The following ACOXL variants were observed in gnomAD, a reference collection of about 807,000 sequenced individuals.
ACOXL encodes acyl-CoA oxidase like.
A neutral mutation model predicts 71.9 loss-of-function variants in ACOXL; 70 were observed. That is an observed-to-expected ratio of 0.97 (90% CI 0.80 to 1.19). The LOEUF (loss-of-function observed/expected upper bound fraction) is 1.19. Ranked by LOEUF, ACOXL falls within the 50% of genes most tolerant of loss-of-function variation. ACOXL has a pLI of 0.00. For missense variants in ACOXL, 703 were observed against 736.3 expected (o/e 0.95, Z 0.52); for synonymous variants, 253 against 281.6 (o/e 0.90, Z 1.02).
chr2:110,870,152 G>T (rs1407216151), intron 10 of ACOXL, among the ~76,000 whole-genome samples: 2 of 152,186 alleles, frequency 1.3e-5, no homozygotes, highest in African/African-American at 4.8e-5. Flanking sequence ...GCTCCACAGG[G>T]TGTTTCCCAG....
rs1056347684 is a variant in ACOXL at position 110,736,290 on chromosome 2, G to A, written c.-23+3516G>A. 9.2e-5 allele frequency among the ~76,000 whole-genome samples: 14 copies of A among 152,128 alleles called. No homozygotes were observed. In the South Asian group the frequency reaches 1.0e-3, roughly 11 times the overall value. ...TGTACAACTCAGTGGCATTAAGTGCGTTCACATTGTTGTGCAACCATCACC... is the reference window on the plus strand; with the variant it reads ...TGTACAACTCAGTGGCATTAAGTGCATTCACATTGTTGTGCAACCATCACC... On this transcript the variant is annotated intron_variant, in intron 1 of 17. Coordinates refer to ENST00000439055, the MANE Select transcript of ACOXL (RefSeq NM_001142807.4).
rs1168118264 is a variant in ACOXL, at chr2:111,008,283, A to C, written c.1281+12279A>C. On this transcript the variant is annotated intron_variant, in intron 14 of 17. Coordinates refer to ENST00000439055, the MANE Select transcript of ACOXL (RefSeq NM_001142807.4). The stretch of plus-strand genomic sequence containing the variant: ...CTAAGCGAAATATTACTAAGTTTCT[A>C]ATATTCAGTGCTATACACAAAAGTG... Among the ~76,000 whole-genome samples the C allele has an allele frequency of 2.0e-5, 3 of 152,296 alleles. 1 individual carries two copies. The highest frequency in any genetic ancestry group is 1.9e-4 in the East Asian group (1 of 5,172).
intron 14 of ACOXL, among the ~76,000 whole-genome samples, chr2:111,007,373 A>G (rs6719047): frequency 9.3e-4 from 141 of 152,312 alleles, no homozygotes; most frequent in African/African-American, 3.3e-3. Flanking sequence ...CATTCCTACC[A>G]CTTTATTAAT....
intron 14 of ACOXL, among the ~76,000 whole-genome samples, chr2:111,004,450 A>T (rs999920445): frequency 2.6e-5 from 4 of 152,132 alleles, no homozygotes; most frequent in African/African-American, 9.7e-5. Flanking sequence ...CTTTGCAATC[A>T]TTTGATAATG....
intron 9 of ACOXL, among the ~76,000 whole-genome samples, chr2:110,811,777 A>G (rs1026466841): frequency 2.7e-5 from 4 of 147,920 alleles, no homozygotes; most frequent in African/African-American, 7.6e-5. Flanking sequence ...ACACACACAC[A>G]CACACACACG....
intron 1 of ACOXL, among the ~76,000 whole-genome samples, chr2:110,739,607 C>T (rs1302898675): frequency 6.6e-6 from 1 of 152,198 alleles, no homozygotes; most frequent in African/African-American, 2.4e-5. Context: ...TCCAGTGTTC[C>T]CCATGTGGGT....
chr2:111,049,098 C>T, intron 15 of ACOXL, 120 bp from the exon 16 acceptor site: 1 of 815,476 alleles, frequency 1.2e-6, no homozygotes, highest in Non-Finnish European at 2.0e-6. Flanking sequence ...TGCCATGTCA[C>T]CAAGGAAGGA....
rs541285334 is a variant in ACOXL at position 110,778,085 on chromosome 2, C to T, written c.76-6647C>T. Among the ~76,000 whole-genome samples, 18 of 152,296 alleles carry T rather than the reference C, an allele frequency of 1.2e-4. No homozygotes were observed. The South Asian group carries it at 2.3e-3, about 19-fold the overall frequency. On this transcript the variant is annotated intron_variant, in intron 2 of 17. Coordinates refer to ENST00000439055, the MANE Select transcript of ACOXL (RefSeq NM_001142807.4). ...GGCAGCAGCGGCCATGCCCAGTTGG[C>T]GCTGTGACTTCTGGGCCACATTGAA... is the stretch of plus-strand genomic sequence containing the variant.
At chr2:110,964,431 T>A (rs898068632) in intron 12 of ACOXL, among the ~76,000 whole-genome samples, 4 of 152,238 alleles carry the variant, frequency 2.6e-5, no homozygotes, top group Non-Finnish European at 5.9e-5. Context: ...TTAAAACTTA[T>A]GATACGGTAA....
In ACOXL at chr2:110,908,833, T is replaced by C. The variant is rs1283592138; in HGVS notation, c.833T>C (p.Ile278Thr). Residue 278 changes from isoleucine (I) to threonine (T), a missense_variant, in exon 11 of 18, where the codon ATT becomes ACT. Transcript: ENST00000439055. Reference protein sequence around the residue: ...GPKTKEEVKIIEHQTQTLRLM... With the variant: ...GPKTKEEVKITEHQTQTLRLM... ...AAAACCAAGGAAGAGGTGAAGATCA[T>C]TGAGCACCAAACACAGACCCTGCGG... 14 of 1,614,044 alleles carry C rather than the reference T, an allele frequency of 8.7e-6. No individual in the cohort carries two copies. Among genetic ancestry groups the C allele is most frequent in the Non-Finnish European group, 1.1e-5 (13 of 1,180,012 alleles).
chr2:110,924,106 T>C (rs1463702131), intron 11 of ACOXL, among the ~76,000 whole-genome samples: 1 of 152,202 alleles, frequency 6.6e-6, no homozygotes, highest in Non-Finnish European at 1.5e-5. Context: ...TACTACAGCC[T>C]ATTAAGTGTG....
chr2:110,789,917 C>G (rs1684444740), intron 3 of ACOXL, among the ~76,000 whole-genome samples: 1 of 152,230 alleles, frequency 6.6e-6, no homozygotes, highest in African/African-American at 2.4e-5. Context: ...GGCTTCCTGC[C>G]CATGGGACAG....
intron 17 of ACOXL, chr2:111,115,404 A>T (rs1267491435): frequency 6.6e-6 from 1 of 152,242 alleles, no homozygotes; most frequent in Non-Finnish European, 1.5e-5. Context: ...ATATATTTTT[A>T]AAAATTTTTA....
At chr2:111,004,616 G>C (rs748460217) in intron 14 of ACOXL, among the ~76,000 whole-genome samples, 1 of 152,070 alleles carries the variant, frequency 6.6e-6, no homozygotes, top group Non-Finnish European at 1.5e-5. Flanking sequence ...CAAACAACTC[G>C]TCATTACAGT....
intron 17 of ACOXL, among the ~76,000 whole-genome samples, chr2:111,109,671 A>ATTTTTTTTTTTTTTTTTT (rs869081161): frequency 2.6e-5 from 2 of 75,644 alleles, no homozygotes; most frequent in Non-Finnish European, 4.7e-5. Context: ...TTCTCCTTCT[A>ATTTTTTTTTTTTTTTTTT]TTTTTTTTTT....
At chr2:110,968,478 T>C in intron 12 of ACOXL, 2 of 1,303,578 alleles carry the variant, frequency 1.5e-6, no homozygotes, top group Non-Finnish European at 2.2e-6. Context: ...TGGAAGAAGA[T>C]GAAGATGCTT....
At chr2:111,116,731 A>G (rs1467242556) in intron 17 of ACOXL, among the ~76,000 whole-genome samples, 1 of 152,028 alleles carries the variant, frequency 6.6e-6, no homozygotes, top group East Asian at 1.9e-4. Flanking sequence ...CAATGTGTAG[A>G]TCAGAAGAAA....
intron 2 of ACOXL, among the ~76,000 whole-genome samples, chr2:110,784,357 A>G (rs1683691342): frequency 6.6e-5 from 10 of 152,062 alleles, no homozygotes. Flanking sequence ...ACATTGGAGG[A>G]GCTGGGCAGA....
intron 16 of ACOXL, among the ~76,000 whole-genome samples, chr2:111,067,548 A>C (rs1282803752): frequency 6.6e-6 from 1 of 152,250 alleles, no homozygotes; most frequent in Non-Finnish European, 1.5e-5. Flanking sequence ...AGAAGGTGAG[A>C]GAACATACTC....
Sources: gnomAD v4.1 joint callset for allele counts (sites outside exome capture counted in the v4.1 genomes callset) on GRCh38, gnomAD v4.1.1 for gene constraint, MANE v1.5 for transcripts, NCBI Gene and HGNC (gene_info 2026-07-23, HGNC 2026-07-21) for gene names.